The following RNF10 variants were observed in gnomAD, a reference collection of about 807,000 sequenced individuals.
The protein encoded by RNF10 is ring finger protein 10, also known as E3 ubiquitin-protein ligase RNF10.
A neutral mutation model predicts 91.4 loss-of-function variants in RNF10; 38 were observed. That is an observed-to-expected ratio of 0.42 (90% CI 0.32 to 0.54). RNF10 has a LOEUF of 0.54. Ranked by LOEUF, RNF10 falls within the 20% of genes least tolerant of loss-of-function variation. The pLI, the probability that RNF10 is intolerant of heterozygous loss-of-function variation, is 0.16. For missense variants in RNF10, 945 were observed against 1,012.0 expected (o/e 0.93, Z 0.90); for synonymous variants, 364 against 366.3 (o/e 0.99, Z 0.07).
At chr12:120,552,409 A>G (rs376172432) in intron 2 of RNF10, 90 bp from the exon 3 acceptor site, 3 of 1,074,916 alleles carry the variant, frequency 2.8e-6, no homozygotes, top group Non-Finnish European at 4.1e-6. Context: ...CAAAAAAAAA[A>G]GCTGTGTAAA....
At position 120,534,708 on chromosome 12, in the gene RNF10, G is replaced by A; in HGVS notation, c.-104G>A. On this transcript the variant is annotated 5_prime_UTR_variant, in exon 1 of 17. Coordinates refer to ENST00000325954, the MANE Select transcript of RNF10 (RefSeq NM_014868.5). ...GGAAAAATGTCGCCATGAAGGCCGAGAACCGCTGCCGCCGCCGACCCCCGC... is the reference window on the plus strand; with the variant it reads ...GGAAAAATGTCGCCATGAAGGCCGAAAACCGCTGCCGCCGCCGACCCCCGC... 2.1e-6 allele frequency: 3 copies of A among 1,402,862 alleles called. No individual in the cohort carries two copies. The highest frequency in any genetic ancestry group is 1.6e-5 in the South Asian group (1 of 63,790). 86.9% of individuals were successfully genotyped at this position (1,402,862 alleles called of 1,614,324 possible).
intron 3 of RNF10, chr12:120,553,928 A>G (rs1474812149): frequency 6.9e-6 from 1 of 144,688 alleles, no homozygotes; most frequent in Non-Finnish European, 1.5e-5. Flanking sequence ...TTTTGGTGAC[A>G]GAGTCTCCCT....
chr12:120,576,499 G>C (rs763439286), intron 16 of RNF10, 91 bp from the exon 17 acceptor site: 10 of 1,518,348 alleles, frequency 6.6e-6, no homozygotes, highest in Non-Finnish European at 8.8e-6. Context: ...TCCACTCTTA[G>C]CTCCCACTCT....
intron 12 of RNF10, 107 bp downstream of exon 12, chr12:120,565,636 TTTTAAA>T: frequency 1.1e-6 from 1 of 881,044 alleles, no homozygotes; most frequent in East Asian, 2.6e-5. Context: ...TTTCTTCAAC[TTTTAAA>T]TGTGAATCAT....
chr12:120,556,919 G>A (rs1320874936), intron 4 of RNF10, among the ~76,000 whole-genome samples: 2 of 151,948 alleles, frequency 1.3e-5, no homozygotes, highest in Admixed American at 6.6e-5. Flanking sequence ...TTGGGAGGCC[G>A]AGGCGGGCGG....
intron 13 of RNF10, 36 bp downstream of exon 13, chr12:120,567,016 T>C: frequency 6.3e-7 from 1 of 1,582,798 alleles, no homozygotes; most frequent in Non-Finnish European, 8.6e-7. Flanking sequence ...CACCCATCAG[T>C]TAGACCTTAT....
At chr12:120,542,438 GCCA>G (rs1425182837) in intron 1 of RNF10, among the ~76,000 whole-genome samples, 1 of 152,184 alleles carries the variant, frequency 6.6e-6, no homozygotes, top group Admixed American at 6.5e-5. Context: ...ACCGGCATGA[GCCA>G]CCAAGTCCAG....
At position 120,575,690 on chromosome 12, in the gene RNF10, T is replaced by C. The variant is rs770524762; in HGVS notation, c.2200+2T>C. On this transcript the variant is annotated splice_donor_variant, in intron 15 of 16. Transcript: ENST00000325954. LOFTEE classifies it high-confidence loss of function. ...GGCCCAAAACTGCTCCAAAGAAAGG[T>C]GAGGATGGTCCACTGGTGAAGGGGG... is the stretch of plus-strand genomic sequence containing the variant. The C allele has an allele frequency of 6.2e-7, 1 of 1,614,012 alleles. No individual in the cohort carries two copies.
chr12:120,563,469 G>C lies in RNF10; in HGVS notation c.1377G>C (p.Glu459Asp), dbSNP rs745722908. Residue 459 changes from glutamate to aspartate, a missense_variant, in exon 9 of 17, where the codon GAG becomes GAC. Physicochemically the swap from Glu to Asp is conservative, Grantham distance 45. Coordinates refer to ENST00000325954, the MANE Select transcript of RNF10 (RefSeq NM_014868.5). ...VEEEEAVSEP[E>D]PEGLPEACDD... ...AGGAGGAAGCAGTGTCTGAACCAGA[G>C]CCTGAGGGGTTGCCAGAGGCCTGTG... 1 of 1,614,196 alleles carries C rather than the reference G, an allele frequency of 6.2e-7. No individual in the cohort carries two copies. Among genetic ancestry groups the C allele is most frequent in the Non-Finnish European group, 8.5e-7 (1 of 1,180,034 alleles).
In RNF10 at chr12:120,575,409, A is replaced by G. The variant is rs573418646; in HGVS notation, c.2143-222A>G. The G allele has an allele frequency of 5.4e-6, 3 of 554,774 alleles. No individual in the cohort carries two copies. In the Admixed American group the frequency reaches 9.5e-5, roughly 18 times the overall value. 34.4% of individuals were successfully genotyped at this position (554,774 alleles called of 1,614,324 possible). A position where few individuals can be genotyped will look rare whatever the true frequency, so the allele number is the denominator to read the frequency against. On this transcript the variant is annotated intron_variant, in intron 14 of 16. Coordinates refer to ENST00000325954, the MANE Select transcript of RNF10 (RefSeq NM_014868.5). ...GTTCTTTACCCATTTCCTAAGGAACAAACAGCTTATGGTTTACTACCTTGT... is the reference window on the plus strand; with the variant it reads ...GTTCTTTACCCATTTCCTAAGGAACGAACAGCTTATGGTTTACTACCTTGT...
intron 2 of RNF10, among the ~76,000 whole-genome samples, chr12:120,552,193 G>A (rs551504818): frequency 6.6e-6 from 1 of 152,110 alleles, no homozygotes; most frequent in East Asian, 1.9e-4. Flanking sequence ...TCAAGAGTTG[G>A]AGACCAGCAT....
chr12:120,573,568 G>A (rs1212351500), intron 14 of RNF10, among the ~76,000 whole-genome samples: 3 of 150,476 alleles, frequency 2.0e-5, no homozygotes, highest in Admixed American at 2.0e-4. Context: ...AAGATTACCC[G>A]ACGCCGAGTC....
intron 2 of RNF10, among the ~76,000 whole-genome samples, chr12:120,550,437 G>A (rs1872872826): frequency 6.6e-6 from 1 of 152,080 alleles, no homozygotes; most frequent in Non-Finnish European, 1.5e-5. Context: ...CTGAGCACAA[G>A]CTCTTAGATC....
At chr12:120,565,391 C>A in intron 11 of RNF10, 37 bp from the exon 12 acceptor site, 1 of 1,588,290 alleles carries the variant, frequency 6.3e-7, no homozygotes, top group Non-Finnish European at 8.6e-7. Context: ...ACCATGTTGT[C>A]CTGGGTCTAC....
Position 120,554,819 on chromosome 12 carries a change from C to T in RNF10, c.645+11C>T, listed in dbSNP as rs1873713446. On this transcript the variant is annotated intron_variant, in intron 4 of 16. Coordinates refer to ENST00000325954, the MANE Select transcript of RNF10 (RefSeq NM_014868.5). ...TTTGTGGAACAAGTGGTGAGTAGCT[C>T]AGCCAAGCCCATAAGCTATGAATGG... 6 of 1,603,488 alleles carry T rather than the reference C, an allele frequency of 3.7e-6. No individual in the cohort carries two copies. The highest frequency in any genetic ancestry group is 5.1e-6 in the Non-Finnish European group (6 of 1,170,394).
chr12:120,548,381 A>G (rs1872598474), intron 2 of RNF10, among the ~76,000 whole-genome samples: 1 of 152,166 alleles, frequency 6.6e-6, no homozygotes, highest in Non-Finnish European at 1.5e-5. Context: ...GAGTCTGGAT[A>G]AGAAACCAGC....
At chr12:120,567,700 CAAAA>C (rs34775380) in intron 13 of RNF10, among the ~76,000 whole-genome samples, 2 of 119,544 alleles carry the variant, frequency 1.7e-5, no homozygotes. Context: ...GACTTTGTCT[CAAAA>C]AAAAAAAAAA....
intron 4 of RNF10, among the ~76,000 whole-genome samples, chr12:120,556,370 TAAAA>T (rs528528148): frequency 7.0e-6 from 1 of 143,220 alleles, no homozygotes; most frequent in African/African-American, 2.6e-5. Flanking sequence ...CCGTCTCTAC[TAAAA>T]AAAAAAATTA....
intron 3 of RNF10, among the ~76,000 whole-genome samples, chr12:120,553,678 C>G (rs1217228951): frequency 1.3e-5 from 2 of 152,072 alleles, no homozygotes; most frequent in Non-Finnish European, 2.9e-5. Context: ...GCTGGGATTA[C>G]AGGCGTGAGC....
Sources: allele counts gnomAD v4.1 joint callset (sites outside exome capture counted in the v4.1 genomes callset), GRCh38; gene constraint gnomAD v4.1.1; transcripts MANE v1.5; gene names NCBI Gene and HGNC (gene_info 2026-07-23, HGNC 2026-07-21).